Variants in FAM81A observed in about 807,000 individuals in gnomAD.
FAM81A encodes protein FAM81A.
Under a neutral mutation model 46.7 loss-of-function variants are expected in FAM81A, and 19 were observed. That is an observed-to-expected ratio of 0.41 (90% confidence interval 0.28 to 0.60). FAM81A has a LOEUF of 0.60. FAM81A is among the 20% of genes least tolerant of loss of function. The pLI, the probability that FAM81A is intolerant of heterozygous loss-of-function variation, is 0.34. For synonymous variants in FAM81A, 183 were observed against 152.9 expected, an observed-to-expected ratio of 1.20 and a Z score of -1.45; for missense variants, 377 against 453.5, an observed-to-expected ratio of 0.83 and a Z score of 1.53.
intron 3 of FAM81A, among the ~76,000 whole-genome samples, chr15:59,481,229 C>T (rs1333543953): frequency 1.3e-5 from 2 of 152,150 alleles, no homozygotes; most frequent in Non-Finnish European, 2.9e-5. Flanking sequence ...AACTCCTGGG[C>T]TCAGGCAATC....
chr15:59,488,175 G>A (rs1165726813), intron 3 of FAM81A, among the ~76,000 whole-genome samples: 1 of 152,108 alleles, frequency 6.6e-6, no homozygotes. Context: ...AAAAGCATAT[G>A]ATCATATCAA....
chr15:59,483,043 A>T (rs910663318), intron 3 of FAM81A, among the ~76,000 whole-genome samples: 3 of 145,964 alleles, frequency 2.1e-5, no homozygotes, highest in South Asian at 2.2e-4. Context: ...TTTCTGGTGA[A>T]TTTTTTTTTT....
chr15:59,439,886 G>A (rs1465330479), intron 1 of FAM81A: 1 of 152,126 alleles, frequency 6.6e-6, no homozygotes, highest in African/African-American at 2.4e-5. Context: ...GTGTCACTCC[G>A]ACCTGGCTTT....
chr15:59,442,618 C>CAAAAAAAAAAAAA (rs1196305104), intron 1 of FAM81A, among the ~76,000 whole-genome samples: 2 of 76,700 alleles, frequency 2.6e-5, no homozygotes, highest in African/African-American at 4.7e-5. Context: ...CTCCGTCTCT[C>CAAAAAAAAAAAAA]AAAAAAAAAA....
rs2082271069 is a variant in FAM81A at position 59,516,691 on chromosome 15, C to T, written c.833C>T (p.Ala278Val). The T allele has an allele frequency of 6.2e-7, 1 of 1,613,406 alleles. No homozygotes were observed. The highest frequency in any genetic ancestry group is 1.7e-4 in the Middle Eastern group (1 of 6,054). Residue 278 changes from alanine (A) to valine (V), a missense_variant, in exon 8 of 9, where the codon GCC (alanine) becomes GTC (valine). Physicochemically the swap from Ala to Val is moderately conservative, Grantham distance 64. Transcript: ENST00000288228. ...GAGAAGAAGCTCAGCCAGATGTCAG[C>T]CAGGCTTGACAAAATAGAAGAGGGT... ...DMEKKLSQMS[A>V]RLDKIEEGQK...
At chr15:59,510,682 G>A (rs1255485505) in intron 6 of FAM81A, among the ~76,000 whole-genome samples, 1 of 146,918 alleles carries the variant, frequency 6.8e-6, no homozygotes. Context: ...GGAGGCTGAG[G>A]CAAGAGAATT....
Position 59,460,005 on chromosome 15 carries a change from G to A in FAM81A, c.93G>A (p.Glu31=). 6.2e-7 allele frequency: 1 copy of A among 1,613,662 alleles called. No homozygotes were observed. The highest frequency in any genetic ancestry group is 8.5e-7 in the Non-Finnish European group (1 of 1,179,754). ...CATACTCATCTGTAAGCCTCGTGGA[G>A]CAGCTGGAAGACAGGATCCTCTGCC... is the stretch of plus-strand genomic sequence containing the variant. ...MAPYSSVSLV[E]QLEDRILCHE... Residue 31 remains glutamate, a synonymous_variant, in exon 3 of 9, where the codon GAG becomes GAA. Coordinates refer to ENST00000288228, the MANE Select transcript of FAM81A (RefSeq NM_152450.3). This position sits in a 1 kb window ranked among gnomAD's most constrained non-coding sequence, Gnocchi z 4.4.
chr15:59,451,894 G>C (rs138712888), intron 1 of FAM81A, among the ~76,000 whole-genome samples: 8 of 152,292 alleles, frequency 5.3e-5, no homozygotes, highest in Non-Finnish European at 1.2e-4. Context: ...CTTCAATTCA[G>C]TTATCTCTCC....
chr15:59,504,197 G>T (rs1489226872), intron 4 of FAM81A, among the ~76,000 whole-genome samples: 2 of 151,920 alleles, frequency 1.3e-5, no homozygotes, highest in East Asian at 3.9e-4. Flanking sequence ...ATAATATTTT[G>T]CTAAAAAATT....
At chr15:59,451,915 C>A (rs1472454559) in intron 1 of FAM81A, among the ~76,000 whole-genome samples, 2 of 152,194 alleles carry the variant, frequency 1.3e-5, no homozygotes, top group Admixed American at 1.3e-4. Context: ...TGGACATTCA[C>A]TCACCCAGCA....
intron 1 of FAM81A, among the ~76,000 whole-genome samples, chr15:59,448,641 A>G (rs1483974069): frequency 9.2e-5 from 14 of 151,936 alleles, no homozygotes; most frequent in African/African-American, 2.7e-4. Flanking sequence ...AAATACATAA[A>G]TATATTCTTA....
At chr15:59,482,881 C>T (rs904048243) in intron 3 of FAM81A, among the ~76,000 whole-genome samples, 4 of 152,210 alleles carry the variant, frequency 2.6e-5, no homozygotes, top group East Asian at 1.9e-4. Flanking sequence ...TAGTCAGATG[C>T]GAAGTTGTCT....
chr15:59,463,117 C>T (rs1412451592), intron 3 of FAM81A, among the ~76,000 whole-genome samples: 1 of 152,092 alleles, frequency 6.6e-6, no homozygotes, highest in Non-Finnish European at 1.5e-5. Context: ...AAGATTTTCT[C>T]CTATGTTTAA....
chr15:59,475,269 C>G (rs2081751690), intron 3 of FAM81A, among the ~76,000 whole-genome samples: 1 of 152,046 alleles, frequency 6.6e-6, no homozygotes, highest in South Asian at 2.1e-4. Context: ...CTCAGCCTCC[C>G]AAGTAGCTGG....
chr15:59,453,814 AG>A (rs2081449128), intron 1 of FAM81A, among the ~76,000 whole-genome samples: 1 of 151,960 alleles, frequency 6.6e-6, no homozygotes, highest in Non-Finnish European at 1.5e-5. Context: ...GGGAGGCAAG[AG>A]GAGAGAGAGG....
chr15:59,409,472 T>C (rs772878093), intron 2 of FAM81A, among the ~76,000 whole-genome samples: 5 of 152,132 alleles, frequency 3.3e-5, no homozygotes, highest in Admixed American at 6.5e-5. Context: ...TCCCCATTTC[T>C]CTTCTTGGCA....
In FAM81A at chr15:59,492,289, C is replaced by T. The variant is rs760769100; in HGVS notation, c.313C>T (p.Arg105Cys). ...RDIEVLQEQIRARDNISYGTN... is the reference protein window; with the variant it reads ...RDIEVLQEQICARDNISYGTN... ...TGCCCAGGTACTCCAGGAGCAGATT[C>T]GTGCCCGGGACAACATTAGCTATGG... Residue 105 changes from arginine to cysteine, a missense_variant, in exon 4 of 9, where the codon CGT (arginine) becomes TGT (cysteine). Transcript: ENST00000288228. 3.7e-6 allele frequency: 6 copies of T among 1,612,870 alleles called. No individual in the cohort carries two copies. Among genetic ancestry groups the T allele is most frequent in the Non-Finnish European group, 4.2e-6 (5 of 1,179,266 alleles).
At position 59,511,928 on chromosome 15, in the gene FAM81A, C is replaced by T. The variant is rs1393408361; in HGVS notation, c.651-2361C>T. 3.9e-5 allele frequency among the ~76,000 whole-genome samples: 6 copies of T among 152,062 alleles called. No individual in the cohort carries two copies. The East Asian group carries it at 5.8e-4, about 15-fold the overall frequency. The stretch of plus-strand genomic sequence containing the variant: ...CCTCCCAAAGTGCTGGGATTACAGG[C>T]GTAAGCCACTGCACCCGGCCCATAA... On this transcript the variant is annotated intron_variant, in intron 6 of 8. Coordinates refer to ENST00000288228, the MANE Select transcript of FAM81A (RefSeq NM_152450.3).
chr15:59,509,024 C>A, intron 6 of FAM81A, 55 bp downstream of exon 6: 2 of 1,327,640 alleles, frequency 1.5e-6, no homozygotes, highest in African/African-American at 1.5e-5. Context: ...TGAGTTTATG[C>A]AATACTATGA....
Sources: gnomAD v4.1 joint callset for allele counts (sites outside exome capture counted in the v4.1 genomes callset) on GRCh38, gnomAD v4.1.1 for gene constraint, Gnocchi (gnomAD v3.1) non-coding constraint, MANE v1.5 for transcripts, NCBI Gene and HGNC (gene_info 2026-07-23, HGNC 2026-07-21) for gene names.